The following MAP6 variants were observed in gnomAD, a reference collection of about 807,000 sequenced individuals.
The protein encoded by MAP6 is microtubule-associated protein 6.
In MAP6, 26 loss-of-function variants were observed where a neutral mutation model predicts 42.4. The ratio of observed to expected loss-of-function variants is 0.61; its 90% CI spans 0.45 to 0.85. MAP6 has a LOEUF of 0.85. MAP6 is among the 40% of genes least tolerant of loss of function. MAP6 has a pLI of 0.00. For synonymous variants in MAP6, 418 were observed against 443.8 expected (o/e 0.94, Z 0.73); for missense variants, 966 against 1,099.0 (o/e 0.88, Z 1.71).
At chr11:75,628,056 T>C (rs1350973997) in intron 1 of MAP6, among the ~76,000 whole-genome samples, 3 of 152,158 alleles carry the variant, frequency 2.0e-5, no homozygotes, top group Non-Finnish European at 4.4e-5. Context: ...GCTGGAGCCA[T>C]AGCTGACTCA....
intron 3 of MAP6, chr11:75,604,084 G>A (rs942879471): frequency 2.0e-6 from 2 of 985,754 alleles, no homozygotes; most frequent in African/African-American, 1.7e-5. Flanking sequence ...AGACCCACCA[G>A]CATTTTCTAC....
chr11:75,631,866 T>A (rs1484047119), intron 1 of MAP6, among the ~76,000 whole-genome samples: 3 of 152,230 alleles, frequency 2.0e-5, no homozygotes, highest in Non-Finnish European at 4.4e-5. Context: ...TCCAATTTCA[T>A]CCAGCAAATA....
intron 3 of MAP6, among the ~76,000 whole-genome samples, chr11:75,600,698 T>A (rs1338737740): frequency 6.6e-6 from 1 of 152,202 alleles, no homozygotes; most frequent in Non-Finnish European, 1.5e-5. Context: ...GTACCTATGG[T>A]CCTGAAAATG....
intron 1 of MAP6, among the ~76,000 whole-genome samples, chr11:75,654,804 T>C (rs1003066287): frequency 6.6e-6 from 1 of 152,208 alleles, no homozygotes; most frequent in Non-Finnish European, 1.5e-5. Context: ...TACCCCCATT[T>C]TATTGATGAG....
At chr11:75,590,891 C>A (rs1942465843) in intron 3 of MAP6, among the ~76,000 whole-genome samples, 1 of 151,760 alleles carries the variant, frequency 6.6e-6, no homozygotes, top group African/African-American at 2.4e-5. Flanking sequence ...CGTTTTAGCC[C>A]AGGAGGTGGA....
At chr11:75,604,657 G>A (rs1942725021) in intron 3 of MAP6, 1 of 985,218 alleles carries the variant, frequency 1.0e-6, no homozygotes, top group Non-Finnish European at 1.2e-6. Flanking sequence ...GCACAGCGAA[G>A]GTGGCACTTG....
In MAP6 at chr11:75,632,990, CTTTTCTTTTTTTCTT is replaced by C. The variant is rs1943308001; in HGVS notation, c.906-24683_906-24669del. ...AGTTTTGTTGTTGTTGCTGTTGTTT[CTTTTCTTTTTTTCTT>C]TTTTCTTTTTTTTTTTTTGGCATCA... On this transcript the variant is annotated intron_variant, in intron 1 of 3. Coordinates refer to ENST00000304771, the MANE Select transcript of MAP6 (RefSeq NM_033063.2). Among the ~76,000 whole-genome samples the C allele has an allele frequency of 2.0e-5, 3 of 150,238 alleles. No homozygotes were observed. The South Asian group carries it at 6.4e-4, about 32-fold the overall frequency.
intron 1 of MAP6, among the ~76,000 whole-genome samples, chr11:75,621,792 G>A (rs1280719305): frequency 1.3e-5 from 2 of 152,208 alleles, no homozygotes; most frequent in East Asian, 3.8e-4. Flanking sequence ...GAAGGCCAAG[G>A]TGGGTGGATC....
intron 1 of MAP6, among the ~76,000 whole-genome samples, chr11:75,637,197 AATCAAT>A (rs1943383792): frequency 6.6e-6 from 1 of 152,204 alleles, no homozygotes; most frequent in Admixed American, 6.5e-5. Context: ...TAGAATTTTA[AATCAAT>A]TTTCAAGCTG....
Position 75,627,799 on chromosome 11 carries a change from T to A in MAP6, c.906-19477A>T, listed in dbSNP as rs145264806. Among the ~76,000 whole-genome samples the A allele has an allele frequency of 1.9e-3, 282 of 152,210 alleles. 2 individuals are homozygous for A. In the Middle Eastern group the frequency reaches 0.031, roughly 17 times the overall value. ...GACCTTGGACAGCAATAAGTAGAGA[T>A]GTTAGAATTAAACAAAAATACTACA... On this transcript the variant is annotated intron_variant, in intron 1 of 3. Transcript: ENST00000304771.
intron 1 of MAP6, among the ~76,000 whole-genome samples, chr11:75,655,739 C>T (rs1184097965): frequency 6.6e-6 from 1 of 152,224 alleles, no homozygotes; most frequent in Non-Finnish European, 1.5e-5. Flanking sequence ...GGCAGCAGCC[C>T]TCCCAAGAAT....
intron 1 of MAP6, among the ~76,000 whole-genome samples, chr11:75,630,795 C>T (rs12294083): frequency 0.073 from 11,049 of 152,210 alleles, 592 homozygotes; most frequent in African/African-American, 0.14. Flanking sequence ...TACAAAGGCT[C>T]GTTAAAAGGT....
chr11:75,610,597 G>T (rs1942879912), intron 1 of MAP6, among the ~76,000 whole-genome samples: 1 of 152,270 alleles, frequency 6.6e-6, no homozygotes, highest in African/African-American at 2.4e-5. Flanking sequence ...GTAGCTAAGG[G>T]TTGCCAAATG....
At chr11:75,634,808 A>AT (rs1266913572) in intron 1 of MAP6, among the ~76,000 whole-genome samples, 5 of 152,218 alleles carry the variant, frequency 3.3e-5, no homozygotes, top group Admixed American at 2.0e-4. Context: ...TTATTTTTCT[A>AT]TTAATGAGTG....
chr11:75,604,262 A>G, intron 3 of MAP6: 1 of 985,892 alleles, frequency 1.0e-6, no homozygotes, highest in Non-Finnish European at 1.2e-6. Context: ...CTCAGCCCCA[A>G]GGTGACAACC....
At chr11:75,632,730 T>C (rs978311194) in intron 1 of MAP6, among the ~76,000 whole-genome samples, 4 of 152,232 alleles carry the variant, frequency 2.6e-5, no homozygotes, top group African/African-American at 9.6e-5. Context: ...ACTATTGTTA[T>C]GACTGCGTAA....
intron 1 of MAP6, among the ~76,000 whole-genome samples, chr11:75,622,030 C>A (rs923775575): frequency 1.3e-4 from 20 of 151,202 alleles, no homozygotes; most frequent in Non-Finnish European, 2.4e-4. Context: ...CTCAAAAAAA[C>A]CAAAAAAACA....
chr11:75,664,185 A>G (rs77124821), intron 1 of MAP6, among the ~76,000 whole-genome samples: 2,304 of 152,342 alleles, frequency 0.015, 44 homozygotes, highest in African/African-American at 0.047. Flanking sequence ...CAGTTTTACA[A>G]TATCATCTAT....
chr11:75,655,866 C>T (rs887723900), intron 1 of MAP6, among the ~76,000 whole-genome samples: 27 of 152,224 alleles, frequency 1.8e-4, no homozygotes, highest in African/African-American at 6.5e-4. Context: ...AGCTCAGCCA[C>T]TAACTGTTTC....
Sources: gnomAD v4.1 joint callset for allele counts (sites outside exome capture counted in the v4.1 genomes callset) on GRCh38, gnomAD v4.1.1 for gene constraint, MANE v1.5 for transcripts, NCBI Gene and HGNC (gene_info 2026-07-23, HGNC 2026-07-21) for gene names.